ZNF704: variants seen among roughly 807,000 people sequenced by gnomAD.
ZNF704 encodes glucocorticoid induced gene 1.
Under a neutral mutation model 44.7 loss-of-function variants are expected in ZNF704, and 10 were observed. The observed-to-expected ratio is 0.22, with a 90% CI of 0.14 to 0.38. ZNF704 has a LOEUF of 0.38. ZNF704 is among the 10% of genes least tolerant of loss of function. ZNF704 has a pLI of 1.00. For synonymous variants in ZNF704, 211 were observed against 207.6 expected (o/e 1.02, Z -0.14); for missense variants, 390 against 545.5 (o/e 0.71, Z 2.84).
At chr8:80,708,331 C>T (rs1303187290) in intron 2 of ZNF704, among the ~76,000 whole-genome samples, 1 of 152,166 alleles carries the variant, frequency 6.6e-6, no homozygotes, top group South Asian at 2.1e-4. Flanking sequence ...CAGAGTTTAC[C>T]GCTGGGCATA....
intron 1 of ZNF704, among the ~76,000 whole-genome samples, chr8:80,828,060 A>G (rs1170905197): frequency 6.6e-6 from 1 of 152,238 alleles, no homozygotes; most frequent in African/African-American, 2.4e-5. Flanking sequence ...TTTTGGCAAC[A>G]AAAGCCATAA....
At chr8:80,747,887 T>C (rs564849683) in intron 2 of ZNF704, among the ~76,000 whole-genome samples, 30 of 152,276 alleles carry the variant, frequency 2.0e-4, no homozygotes, top group African/African-American at 6.5e-4. Context: ...TGGCTAATTT[T>C]TTGTATTTTA....
rs1168393094 is a variant in ZNF704 at position 80,634,612 on chromosome 8, C to T, written c.*6754G>A. 1 of 152,160 alleles carries T rather than the reference C, an allele frequency of 6.6e-6. No individual in the cohort carries two copies. The highest frequency in any genetic ancestry group is 2.4e-5 in the African/African-American group (1 of 41,412). 9.4% of individuals were successfully genotyped at this position (152,160 alleles called of 1,614,324 possible). A position where few individuals can be genotyped will look rare whatever the true frequency, so the allele number is the denominator to read the frequency against. ...CTTCCACGTCAGAAGATCTAGCAGC[C>T]CTGGGCCTGATTTCTGCATGGTTCT... On this transcript the variant is annotated 3_prime_UTR_variant, in exon 9 of 9. Coordinates refer to ENST00000327835, the MANE Select transcript of ZNF704 (RefSeq NM_001033723.3).
At chr8:80,713,545 T>C (rs941310988) in intron 2 of ZNF704, among the ~76,000 whole-genome samples, 7 of 152,190 alleles carry the variant, frequency 4.6e-5, no homozygotes, top group African/African-American at 7.2e-5. Flanking sequence ...TCATAAAATA[T>C]TTGATAAAAT....
chr8:80,657,312 A>G lies in ZNF704; in HGVS notation c.1032+2273T>C, dbSNP rs1222498678. ...ACTTTATCTTTAAATAGGAATGGCA[A>G]GCTTGACTGCTAAAATCAGTCTAAA... On this transcript the variant is annotated intron_variant, in intron 7 of 8. Coordinates refer to ENST00000327835, the MANE Select transcript of ZNF704 (RefSeq NM_001033723.3). 7.2e-5 allele frequency among the ~76,000 whole-genome samples: 11 copies of G among 152,334 alleles called. No homozygotes were observed. In the East Asian group the frequency reaches 2.1e-3, roughly 29 times the overall value.
intron 2 of ZNF704, among the ~76,000 whole-genome samples, chr8:80,802,194 C>CAAAA (rs748625927): frequency 3.6e-5 from 3 of 82,490 alleles, no homozygotes; most frequent in Non-Finnish European, 7.2e-5. Flanking sequence ...GCCTACCAAC[C>CAAAA]AAAAAAAAAA....
At chr8:80,658,160 T>C (rs896924704) in intron 7 of ZNF704, among the ~76,000 whole-genome samples, 3 of 152,312 alleles carry the variant, frequency 2.0e-5, no homozygotes, top group Middle Eastern at 3.4e-3. Context: ...TGAAAGAGGT[T>C]TGAACTGGGC....
At chr8:80,780,428 C>T (rs1807500982) in intron 2 of ZNF704, among the ~76,000 whole-genome samples, 1 of 152,090 alleles carries the variant, frequency 6.6e-6, no homozygotes, top group Non-Finnish European at 1.5e-5. Flanking sequence ...AAGAGGAGAA[C>T]AGCGGCATGT....
chr8:80,821,286 T>C, intron 2 of ZNF704, 88 bp downstream of exon 2: 1 of 1,346,160 alleles, frequency 7.4e-7, no homozygotes, highest in Non-Finnish European at 1.1e-6. Flanking sequence ...GTCTATATAC[T>C]GAAGAGAGTC....
intron 1 of ZNF704, among the ~76,000 whole-genome samples, chr8:80,865,859 C>A (rs1023805448): frequency 6.6e-6 from 1 of 152,038 alleles, no homozygotes; most frequent in African/African-American, 2.4e-5. Flanking sequence ...TTCTGACTTT[C>A]AAGGAGAGTC....
chr8:80,645,487 A>G (rs148784282), intron 7 of ZNF704, among the ~76,000 whole-genome samples: 5 of 152,186 alleles, frequency 3.3e-5, no homozygotes, highest in East Asian at 1.9e-4. Context: ...GTAATCCCCA[A>G]TGCTGGAGGT....
At chr8:80,643,319 A>G (rs1226798792) in intron 7 of ZNF704, among the ~76,000 whole-genome samples, 190 bp from the exon 8 acceptor site, 5 of 152,040 alleles carry the variant, frequency 3.3e-5, no homozygotes, top group South Asian at 2.1e-4. Context: ...CAGGAGTTCA[A>G]TCAGCCTGGC....
chr8:80,767,528 T>C (rs149778143), intron 2 of ZNF704, among the ~76,000 whole-genome samples: 231 of 152,326 alleles, frequency 1.5e-3, no homozygotes, highest in Non-Finnish European at 2.7e-3. Context: ...ATAATTTTAA[T>C]CATAAAATAG....
rs184193206 is a variant in ZNF704 at position 80,841,539 on chromosome 8, G to A, written c.-21-19924C>T. Among the ~76,000 whole-genome samples, 52 of 152,100 alleles carry A rather than the reference G, an allele frequency of 3.4e-4. No individual in the cohort carries two copies. The Middle Eastern group carries it at 0.01, about 30-fold the overall frequency. Reference sequence around the variant, plus strand: ...AACTTCTCACTTTCACTCTTAACTTGTAAGAATCCACGTGTTATTGAGAGA... The same window carrying A: ...AACTTCTCACTTTCACTCTTAACTTATAAGAATCCACGTGTTATTGAGAGA... On this transcript the variant is annotated intron_variant, in intron 1 of 8. Transcript: ENST00000327835.
rs376694642 is a variant in ZNF704, at chr8:80,738,548, ATGAGGT to A, written c.222-45447_222-45442del. The stretch of plus-strand genomic sequence containing the variant: ...CAGCTAGCGAGACTTGGCATTTGAC[ATGAGGT>A]TGGTTTGACTCCAGAGTCTTTTTTT... On this transcript the variant is annotated intron_variant, in intron 2 of 8. Coordinates refer to ENST00000327835, the MANE Select transcript of ZNF704 (RefSeq NM_001033723.3). Among the ~76,000 whole-genome samples the A allele has an allele frequency of 1.4e-3, 208 of 151,532 alleles. 1 individual carries two copies. The highest frequency in any genetic ancestry group is 4.6e-3 in the African/African-American group (188 of 41,018).
At chr8:80,854,417 G>A (rs144214626) in intron 1 of ZNF704, among the ~76,000 whole-genome samples, 7 of 152,264 alleles carry the variant, frequency 4.6e-5, no homozygotes, top group East Asian at 1.9e-4. Context: ...GCTTGAGCTT[G>A]GATCTCCTTT....
intron 1 of ZNF704, among the ~76,000 whole-genome samples, chr8:80,849,261 C>A (rs1808818659): frequency 6.6e-6 from 1 of 152,198 alleles, no homozygotes; most frequent in South Asian, 2.1e-4. Context: ...GACCTCTTAT[C>A]CAGATGCACA....
At chr8:80,792,109 T>C (rs1204437264) in intron 2 of ZNF704, among the ~76,000 whole-genome samples, 3 of 151,684 alleles carry the variant, frequency 2.0e-5, no homozygotes, top group Non-Finnish European at 2.9e-5. Flanking sequence ...GAAAAGGCAG[T>C]GGGTAGAAGT....
At chr8:80,786,063 C>T (rs1256734521) in intron 2 of ZNF704, among the ~76,000 whole-genome samples, 1 of 152,042 alleles carries the variant, frequency 6.6e-6, no homozygotes, top group Non-Finnish European at 1.5e-5. Flanking sequence ...AGTTTGAGAC[C>T]AGCCTGGGCA....
Sources: gnomAD v4.1 joint callset for allele counts (sites outside exome capture counted in the v4.1 genomes callset) on GRCh38, gnomAD v4.1.1 for gene constraint, MANE v1.5 for transcripts, NCBI Gene and HGNC (gene_info 2026-07-23, HGNC 2026-07-21) for gene names.